Variants in SPIDR observed in about 807,000 individuals in gnomAD.
The protein encoded by SPIDR is DNA repair-scaffolding protein.
SPIDR carries 93 observed loss-of-function variants against 104.6 expected under a neutral mutation model. That is an observed-to-expected ratio of 0.89 (90% CI 0.75 to 1.06). SPIDR has a LOEUF of 1.06. Ranked by LOEUF, SPIDR falls within the 50% of genes least tolerant of loss-of-function variation. The probability of loss-of-function intolerance (pLI) is 0.00; values close to 1 mark genes in which losing one functional copy is unlikely to be tolerated. For missense variants in SPIDR, 1,154 were observed against 1,111.2 expected (o/e 1.04, Z -0.55); for synonymous variants, 431 against 416.9 (o/e 1.03, Z -0.41).
chr8:47,273,860 G>A (rs1021070281), intron 1 of SPIDR, among the ~76,000 whole-genome samples: 6 of 152,120 alleles, frequency 3.9e-5, no homozygotes, highest in Admixed American at 1.3e-4. Flanking sequence ...CCTAAGTGTT[G>A]GGATTAAAGG....
chr8:47,474,540 T>C (rs1345038036), intron 8 of SPIDR, among the ~76,000 whole-genome samples: 1 of 152,192 alleles, frequency 6.6e-6, no homozygotes, highest in Non-Finnish European at 1.5e-5. Flanking sequence ...GCTCTTTGCC[T>C]TTAGGAGATC....
At chr8:47,312,101 T>G (rs1554585696) in intron 5 of SPIDR, among the ~76,000 whole-genome samples, 1 of 152,258 alleles carries the variant, frequency 6.6e-6, no homozygotes, top group Admixed American at 6.5e-5. Context: ...TGCCACATTT[T>G]CTTAATCCAG....
chr8:47,721,337 T>G (rs1309940944), intron 16 of SPIDR, among the ~76,000 whole-genome samples: 1 of 152,222 alleles, frequency 6.6e-6, no homozygotes, highest in African/African-American at 2.4e-5. Context: ...CTGGCACCAT[T>G]TGTTGAAAAG....
intron 14 of SPIDR, among the ~76,000 whole-genome samples, chr8:47,703,021 G>A (rs2080543549): frequency 6.6e-6 from 1 of 152,194 alleles, no homozygotes; most frequent in South Asian, 2.1e-4. Context: ...GGCACCAGGG[G>A]CTGTCTTCTA....
At chr8:47,716,327 T>C (rs2082587032) in intron 16 of SPIDR, among the ~76,000 whole-genome samples, 1 of 152,184 alleles carries the variant, frequency 6.6e-6, no homozygotes, top group Non-Finnish European at 1.5e-5. Context: ...TCCTCACCCT[T>C]ACCTATAACT....
intron 7 of SPIDR, among the ~76,000 whole-genome samples, chr8:47,426,468 A>G (rs1238058562): frequency 6.6e-6 from 1 of 151,914 alleles, no homozygotes; most frequent in African/African-American, 2.4e-5. Flanking sequence ...CAACAAGTAG[A>G]TTATCATCAT....
rs771674053 is a variant in SPIDR at position 47,712,724 on chromosome 8, G to A, written c.2040G>A (p.Leu680=). Residue 680 remains leucine, a synonymous_variant, in exon 15 of 20, where the codon CTG becomes CTA. Coordinates refer to ENST00000297423, the MANE Select transcript of SPIDR (RefSeq NM_001080394.4). ...GGCTGCTAGTGACCGATGTCACTCTGCAAACGAAGGAGGAGAGAGACCCCA... is the reference window on the plus strand; with the variant it reads ...GGCTGCTAGTGACCGATGTCACTCTACAAACGAAGGAGGAGAGAGACCCCA... The part of the protein sequence containing the change: ...EIWLLVTDVT[L]QTKEERDPRL... The A allele has an allele frequency of 1.9e-6, 3 of 1,614,198 alleles. No individual in the cohort carries two copies. The highest frequency in any genetic ancestry group is 2.2e-5 in the South Asian group (2 of 91,088).
chr8:47,706,437 C>G (rs564590914), intron 14 of SPIDR, among the ~76,000 whole-genome samples: 6 of 152,100 alleles, frequency 3.9e-5, no homozygotes, highest in Admixed American at 6.6e-5. Flanking sequence ...CAGGAACAAT[C>G]CATGGAGCAC....
chr8:47,319,223 C>G (rs572545631), intron 5 of SPIDR, among the ~76,000 whole-genome samples: 6 of 152,050 alleles, frequency 3.9e-5, no homozygotes, highest in African/African-American at 1.5e-4. Flanking sequence ...AAGACACACA[C>G]AGGCTCAAAA....
At chr8:47,506,342 G>T (rs765353183) in intron 8 of SPIDR, among the ~76,000 whole-genome samples, 1 of 152,094 alleles carries the variant, frequency 6.6e-6, no homozygotes, top group Non-Finnish European at 1.5e-5. Context: ...CAGCTCTCCC[G>T]TATAGAAATA....
At chr8:47,262,201 A>G (rs1205894588) in intron 1 of SPIDR, among the ~76,000 whole-genome samples, 1 of 152,232 alleles carries the variant, frequency 6.6e-6, no homozygotes, top group Non-Finnish European at 1.5e-5. Flanking sequence ...AGTGCATCAC[A>G]TAATCATCAT....
intron 10 of SPIDR, among the ~76,000 whole-genome samples, chr8:47,606,285 C>T (rs562948264): frequency 6.6e-6 from 1 of 151,666 alleles, no homozygotes; most frequent in South Asian, 2.1e-4. Flanking sequence ...TTTGGGAGGC[C>T]GAGGTGGGTG....
intron 8 of SPIDR, among the ~76,000 whole-genome samples, chr8:47,573,831 G>A (rs939349249): frequency 2.0e-5 from 3 of 152,224 alleles, no homozygotes; most frequent in Admixed American, 6.5e-5. Context: ...TACACGCCCT[G>A]CTATAGTTCT....
At chr8:47,480,693 A>T (rs1232717214) in intron 8 of SPIDR, among the ~76,000 whole-genome samples, 1 of 152,188 alleles carries the variant, frequency 6.6e-6, no homozygotes, top group African/African-American at 2.4e-5. Flanking sequence ...CTTGGATTTC[A>T]GAGTTTATAT....
intron 8 of SPIDR, among the ~76,000 whole-genome samples, chr8:47,471,325 CA>C (rs35332610): frequency 0.55 from 60,425 of 110,572 alleles, 15,222 homozygotes; most frequent in Non-Finnish European, 0.65. Context: ...AATTCAATGT[CA>C]AAAAAAAAAA....
rs2082053456 is a variant in SPIDR at position 47,712,694 on chromosome 8, G to T, written c.2010G>T (p.Glu670Asp). ...GTCTGCTGCTTCTGGAGCAAAGGGA[G>T]ATCTGGCTGCTAGTGACCGATGTCA... Reference protein sequence around the residue: ...LKSLLLLEQREIWLLVTDVTL... With the variant: ...LKSLLLLEQRDIWLLVTDVTL... Residue 670 changes from glutamate (E) to aspartate (D), a missense_variant, in exon 15 of 20, where the codon GAG becomes GAT. Transcript: ENST00000297423. The T allele has an allele frequency of 1.2e-6, 2 of 1,614,048 alleles. No homozygotes were observed. The highest frequency in any genetic ancestry group is 1.3e-5 in the African/African-American group (1 of 74,922).
At chr8:47,488,900 G>A (rs1267605272) in intron 8 of SPIDR, among the ~76,000 whole-genome samples, 1 of 152,144 alleles carries the variant, frequency 6.6e-6, no homozygotes, top group Non-Finnish European at 1.5e-5. Flanking sequence ...ATATCATACT[G>A]AATGGGCAAA....
At chr8:47,466,736 C>T (rs1341547475) in intron 8 of SPIDR, among the ~76,000 whole-genome samples, 1 of 149,976 alleles carries the variant, frequency 6.7e-6, no homozygotes, top group African/African-American at 2.5e-5. Flanking sequence ...TCCAATTTAA[C>T]AACCTGGCAT....
At chr8:47,394,318 G>GT (rs1335199728) in intron 5 of SPIDR, among the ~76,000 whole-genome samples, 68 of 152,108 alleles carry the variant, frequency 4.5e-4, no homozygotes, top group African/African-American at 1.6e-3. Flanking sequence ...TCCTACCAGT[G>GT]TTTCATAACT....
Sources: gnomAD v4.1 joint callset for allele counts (sites outside exome capture counted in the v4.1 genomes callset) on GRCh38, gnomAD v4.1.1 for gene constraint, MANE v1.5 for transcripts, NCBI Gene and HGNC (gene_info 2026-07-23, HGNC 2026-07-21) for gene names.